Variants in REDIC1 observed in about 807,000 individuals in gnomAD.
REDIC1 encodes the protein HEI10 Interacting Protein 1.
the REDIC1 span, among the ~76,000 whole-genome samples, chr12:39,696,560 AAAAAAAAAAAAAAAAAAAAAT>A: frequency 9.9e-5 from 14 of 140,788 alleles, no homozygotes; most frequent in South Asian, 4.7e-4. Context: ...AAAAAAAAAA[AAAAAAAAAAAAAAAAAAAAAT>A]AACGCACCAA....
the REDIC1 span, among the ~76,000 whole-genome samples, chr12:39,799,539 A>T: frequency 1.3e-5 from 2 of 152,194 alleles, no homozygotes; most frequent in South Asian, 4.1e-4. Flanking sequence ...AGAGTAGAGT[A>T]AATCAAATAA....
the REDIC1 span, chr12:39,641,060 C>T: frequency 8.0e-7 from 1 of 1,249,732 alleles, no homozygotes; most frequent in Non-Finnish European, 1.2e-6. Context: ...TGCTTTTCTA[C>T]CACTAATACA....
At chr12:39,766,113 T>C in the REDIC1 span, among the ~76,000 whole-genome samples, 2 of 152,128 alleles carry the variant, frequency 1.3e-5, no homozygotes, top group Non-Finnish European at 2.9e-5. Flanking sequence ...CCTTTTCTGA[T>C]CACAACCACC....
the REDIC1 span, among the ~76,000 whole-genome samples, chr12:39,874,200 G>A: frequency 6.6e-6 from 1 of 152,296 alleles, no homozygotes; most frequent in Non-Finnish European, 1.5e-5. Context: ...TTGCCAGCAG[G>A]TCTGACGATC....
the REDIC1 span, among the ~76,000 whole-genome samples, chr12:39,675,230 A>C: frequency 6.6e-6 from 1 of 152,294 alleles, no homozygotes; most frequent in East Asian, 1.9e-4. Flanking sequence ...CATTGGCCTG[A>C]GAACCACCCC....
chr12:39,814,684 C>T, the REDIC1 span, among the ~76,000 whole-genome samples: 1 of 152,156 alleles, frequency 6.6e-6, no homozygotes, highest in Non-Finnish European at 1.5e-5. Context: ...CATACAATTA[C>T]GTCTGCTATC....
At chr12:39,734,624 G>T in the REDIC1 span, among the ~76,000 whole-genome samples, 1 of 152,126 alleles carries the variant, frequency 6.6e-6, no homozygotes, top group Non-Finnish European at 1.5e-5. Flanking sequence ...AGTTGCTCCA[G>T]CACTATTTGT....
chr12:39,661,888 C>A, the REDIC1 span, among the ~76,000 whole-genome samples: 4 of 152,078 alleles, frequency 2.6e-5, no homozygotes, highest in African/African-American at 7.2e-5. Flanking sequence ...GTTTACCCAG[C>A]ACCATTTATT....
chr12:39,788,441 A>G, the REDIC1 span: 2 of 152,182 alleles, frequency 1.3e-5, no homozygotes, highest in South Asian at 4.1e-4. Context: ...GACAGCATGG[A>G]TATACTGGAC....
chr12:39,659,393 C>T, the REDIC1 span, among the ~76,000 whole-genome samples: 1 of 151,854 alleles, frequency 6.6e-6, no homozygotes, highest in African/African-American at 2.4e-5. Flanking sequence ...GACTCCTTTC[C>T]TTCTCCTTGG....
At chr12:39,682,385 A>C in the REDIC1 span, among the ~76,000 whole-genome samples, 1 of 152,156 alleles carries the variant, frequency 6.6e-6, no homozygotes, top group Non-Finnish European at 1.5e-5. Flanking sequence ...TGTTGTAATA[A>C]AAAACTGGCC....
chr12:39,698,661 G>A, the REDIC1 span, among the ~76,000 whole-genome samples: 3 of 151,872 alleles, frequency 2.0e-5, no homozygotes, highest in Admixed American at 6.6e-5. Flanking sequence ...TAACTACAAT[G>A]GAATAAAACT....
the REDIC1 span, among the ~76,000 whole-genome samples, chr12:39,662,010 C>T: frequency 1.3e-5 from 2 of 151,942 alleles, no homozygotes; most frequent in African/African-American, 2.4e-5. Flanking sequence ...GTCCATGTGC[C>T]TGTTTTTGTA....
the REDIC1 span, among the ~76,000 whole-genome samples, chr12:39,658,078 A>G: frequency 8.7e-6 from 1 of 114,398 alleles, no homozygotes; most frequent in African/African-American, 3.1e-5. Context: ...TTTTATTCAC[A>G]TCAAAATACT....
At chr12:39,651,199 A>G in the REDIC1 span, among the ~76,000 whole-genome samples, 8 of 152,332 alleles carry the variant, frequency 5.3e-5, no homozygotes, top group East Asian at 1.5e-3. Context: ...TTATAATGAT[A>G]TACTGTTAAA....
the REDIC1 span, among the ~76,000 whole-genome samples, chr12:39,737,604 C>T: frequency 6.6e-6 from 1 of 152,088 alleles, no homozygotes; most frequent in African/African-American, 2.4e-5. Context: ...GGATTATTAT[C>T]CCCATTTTGC....
At chr12:39,757,121 T>C in the REDIC1 span, 125,183 of 151,686 alleles carry the variant, frequency 0.83, 51,849 homozygotes, top group African/African-American at 0.84. Context: ...TATGTGTTTA[T>C]ATGCAGATGA....
At chr12:39,905,884 T>C in the REDIC1 span, among the ~76,000 whole-genome samples, 1 of 151,726 alleles carries the variant, frequency 6.6e-6, no homozygotes, top group Non-Finnish European at 1.5e-5. Flanking sequence ...AGATGAGATG[T>C]CCTTTGAAAA....
the REDIC1 span, among the ~76,000 whole-genome samples, chr12:39,705,427 A>T: frequency 2.0e-5 from 3 of 152,224 alleles, no homozygotes; most frequent in South Asian, 6.2e-4. Flanking sequence ...ATTCTGAAAA[A>T]TGGAGGATGA....
Sources: gnomAD v4.1 joint callset for allele counts (sites outside exome capture counted in the v4.1 genomes callset) on GRCh38, gnomAD v4.1.1 for gene constraint, MANE v1.5 for transcripts, NCBI Gene and HGNC (gene_info 2026-07-23, HGNC 2026-07-21) for gene names.